BACH2: variants seen among roughly 807,000 people sequenced by gnomAD.
BACH2 encodes the protein BACH transcriptional regulator 2, also known as transcription regulator protein BACH2.
A neutral mutation model predicts 61.8 loss-of-function variants in BACH2; 5 were observed. That is an observed-to-expected ratio of 0.08 (90% CI 0.04 to 0.17). The LOEUF is 0.17. Among genes scored for constraint, BACH2 ranks in the 10% least tolerant of loss-of-function variants. The pLI, the probability that BACH2 is intolerant of heterozygous loss-of-function variation, is 1.00. For missense variants in BACH2, 824 were observed against 1,091.1 expected (o/e 0.76, Z 3.45); for synonymous variants, 446 against 440.1 (o/e 1.01, Z -0.17).
chr6:90,118,087 G>A lies in BACH2; in HGVS notation c.-161-28978C>T, dbSNP rs183600723. Among the ~76,000 whole-genome samples the A allele has an allele frequency of 5.9e-5, 9 of 152,244 alleles. No homozygotes were observed. In the East Asian group the frequency reaches 1.7e-3, roughly 29 times the overall value. ...ATGTTAAAGACACTTAAGTCTAATA[G>A]AGAATGTAAGGGTCCTTAAAGTTGA... On this transcript the variant is annotated intron_variant, in intron 4 of 8. Transcript: ENST00000257749.
intron 7 of BACH2, among the ~76,000 whole-genome samples, chr6:89,947,644 C>A (rs1047763860): frequency 6.6e-6 from 1 of 151,994 alleles, no homozygotes; most frequent in African/African-American, 2.4e-5. Flanking sequence ...CGGCTCACTG[C>A]AAGCTCCGCC....
chr6:90,047,390 C>G (rs531590085), intron 5 of BACH2, among the ~76,000 whole-genome samples: 11 of 152,142 alleles, frequency 7.2e-5, no homozygotes, highest in African/African-American at 2.4e-4. Flanking sequence ...TATACTGGCA[C>G]GTCCATGGTC....
At chr6:90,106,883 G>A (rs1011990960) in intron 4 of BACH2, among the ~76,000 whole-genome samples, 4 of 152,200 alleles carry the variant, frequency 2.6e-5, no homozygotes, top group Non-Finnish European at 5.9e-5. Context: ...ACCAGAGGAA[G>A]GATAACACCT....
At chr6:90,184,666 T>C (rs1768288563) in intron 4 of BACH2, among the ~76,000 whole-genome samples, 2 of 152,210 alleles carry the variant, frequency 1.3e-5, no homozygotes, top group Non-Finnish European at 2.9e-5. Flanking sequence ...GGGTAAGCCC[T>C]AGCCCAGGGG....
At chr6:90,204,350 C>A (rs1009910814) in intron 4 of BACH2, among the ~76,000 whole-genome samples, 1 of 152,144 alleles carries the variant, frequency 6.6e-6, no homozygotes, top group African/African-American at 2.4e-5. Context: ...GGAGGAGATT[C>A]TCTGGTTTTA....
chr6:90,122,719 C>A (rs766102004), intron 4 of BACH2, among the ~76,000 whole-genome samples: 1 of 152,176 alleles, frequency 6.6e-6, no homozygotes, highest in East Asian at 1.9e-4. Context: ...AAAGTGTTGG[C>A]GAGGCCTGGC....
At chr6:90,196,192 T>C (rs969476846) in intron 4 of BACH2, among the ~76,000 whole-genome samples, 2 of 152,128 alleles carry the variant, frequency 1.3e-5, no homozygotes, top group Non-Finnish European at 2.9e-5. Context: ...GCAACTTGAT[T>C]AGAATAGGTG....
At chr6:90,055,053 A>C (rs1234481384) in intron 5 of BACH2, among the ~76,000 whole-genome samples, 1 of 152,222 alleles carries the variant, frequency 6.6e-6, no homozygotes, top group African/African-American at 2.4e-5. Flanking sequence ...GGAAACTCTA[A>C]AAATCAGAGT....
intron 4 of BACH2, among the ~76,000 whole-genome samples, chr6:90,159,184 T>C (rs1191174429): frequency 6.6e-6 from 1 of 152,166 alleles, no homozygotes; most frequent in Non-Finnish European, 1.5e-5. Flanking sequence ...GTTTCCCTAC[T>C]GGGAAATCAA....
chr6:89,966,072 T>C (rs1775031265), intron 6 of BACH2, among the ~76,000 whole-genome samples: 2 of 152,192 alleles, frequency 1.3e-5, no homozygotes, highest in Non-Finnish European at 1.5e-5. Context: ...TCCTTGGCAA[T>C]AGAAATGGTG....
At chr6:90,031,616 A>G (rs1309989251) in intron 5 of BACH2, among the ~76,000 whole-genome samples, 1 of 152,204 alleles carries the variant, frequency 6.6e-6, no homozygotes, top group African/African-American at 2.4e-5. Context: ...TGCTTCAAAG[A>G]GAATAAAATA....
chr6:89,967,923 C>T (rs973446476), intron 6 of BACH2, among the ~76,000 whole-genome samples: 2 of 152,180 alleles, frequency 1.3e-5, no homozygotes, highest in Non-Finnish European at 2.9e-5. Context: ...CAAGCAGCAA[C>T]TCCCTGGTTT....
chr6:90,085,451 G>A lies in BACH2; in HGVS notation c.-13+3510C>T, dbSNP rs543730474. On this transcript the variant is annotated intron_variant, in intron 5 of 8. Coordinates refer to ENST00000257749, the MANE Select transcript of BACH2 (RefSeq NM_021813.4). ...TTACAAACACCCATCTGGAGGAACTGGAGCAGCCCCACTGCTGGAGCATGG... is the reference window on the plus strand; with the variant it reads ...TTACAAACACCCATCTGGAGGAACTAGAGCAGCCCCACTGCTGGAGCATGG... Among the ~76,000 whole-genome samples, 10 of 152,298 alleles carry A rather than the reference G, an allele frequency of 6.6e-5. No individual in the cohort carries two copies. In the East Asian group the frequency reaches 9.7e-4, roughly 15 times the overall value.
At chr6:90,120,072 T>C (rs1783559576) in intron 4 of BACH2, among the ~76,000 whole-genome samples, 1 of 152,246 alleles carries the variant, frequency 6.6e-6, no homozygotes, top group African/African-American at 2.4e-5. Context: ...GTCTCATTCA[T>C]TCATTCATCT....
intron 4 of BACH2, among the ~76,000 whole-genome samples, chr6:90,114,317 C>T (rs1256125117): frequency 2.6e-5 from 4 of 152,138 alleles, no homozygotes; most frequent in Admixed American, 2.6e-4. Context: ...ATGAATCCAC[C>T]ATAACCAAGT....
chr6:90,182,698 G>A (rs185114674), intron 4 of BACH2, among the ~76,000 whole-genome samples: 3 of 152,262 alleles, frequency 2.0e-5, no homozygotes, highest in Admixed American at 6.5e-5. Context: ...CAATACTGAG[G>A]CAAATGAACA....
intron 4 of BACH2, among the ~76,000 whole-genome samples, chr6:90,166,016 A>G (rs542398133): frequency 3.9e-5 from 6 of 152,282 alleles, no homozygotes; most frequent in Non-Finnish European, 7.4e-5. Context: ...CTTCATGTCT[A>G]AAACACCAAA....
intron 5 of BACH2, among the ~76,000 whole-genome samples, chr6:90,074,837 C>T (rs1781398623): frequency 6.6e-6 from 1 of 152,110 alleles, no homozygotes; most frequent in Non-Finnish European, 1.5e-5. Flanking sequence ...CAATTCTCCA[C>T]AGACCTATTT....
intron 4 of BACH2, among the ~76,000 whole-genome samples, chr6:90,152,226 A>G (rs185120525): frequency 5.9e-5 from 9 of 152,294 alleles, no homozygotes; most frequent in Non-Finnish European, 7.3e-5. Flanking sequence ...ATGCTGCACG[A>G]CTCTATAATT....
Sources: gnomAD v4.1 joint callset for allele counts (sites outside exome capture counted in the v4.1 genomes callset) on GRCh38, gnomAD v4.1.1 for gene constraint, MANE v1.5 for transcripts, NCBI Gene and HGNC (gene_info 2026-07-23, HGNC 2026-07-21) for gene names.